The following SNAP25 variants were observed in gnomAD, a reference collection of about 807,000 sequenced individuals.
SNAP25 encodes synaptosomal-associated protein 25.
A neutral mutation model predicts 28.7 loss-of-function variants in SNAP25; 3 were observed. The observed-to-expected ratio is 0.10, with a 90% CI of 0.05 to 0.27. SNAP25 has a LOEUF of 0.27. SNAP25 is among the 10% of genes least tolerant of loss of function. SNAP25 has a pLI of 1.00. For synonymous variants in SNAP25, 61 were observed against 88.1 expected (o/e 0.69, Z 1.72); for missense variants, 117 against 278.7 (o/e 0.42, Z 4.13).
intron 1 of SNAP25, among the ~76,000 whole-genome samples, chr20:10,263,938 A>G (rs1219820404): frequency 6.6e-6 from 1 of 152,170 alleles, no homozygotes; most frequent in African/African-American, 2.4e-5. Flanking sequence ...CTGGTCAGTG[A>G]GGCTGCTGTG....
chr20:10,230,520 A>G (rs2062811110), intron 1 of SNAP25, among the ~76,000 whole-genome samples: 1 of 152,120 alleles, frequency 6.6e-6, no homozygotes, highest in African/African-American at 2.4e-5. Context: ...ATCACCCAGG[A>G]TTTTGTTTGA....
intron 4 of SNAP25, among the ~76,000 whole-genome samples, chr20:10,291,242 T>G (rs900994927): frequency 1.3e-5 from 2 of 152,040 alleles, no homozygotes; most frequent in Non-Finnish European, 2.9e-5. Flanking sequence ...CCCAGAAATT[T>G]TTTTTGTATT....
chr20:10,274,312 A>G (rs1260675443), intron 1 of SNAP25, among the ~76,000 whole-genome samples: 1 of 152,098 alleles, frequency 6.6e-6, no homozygotes, highest in Admixed American at 6.6e-5. Flanking sequence ...CCTTTTGGCA[A>G]CCTCTGATGA....
chr20:10,284,475 C>T (rs1451534527), intron 3 of SNAP25, among the ~76,000 whole-genome samples: 1 of 152,168 alleles, frequency 6.6e-6, no homozygotes, highest in Non-Finnish European at 1.5e-5. Context: ...CCACCCCAGC[C>T]CTACCCCATG....
chr20:10,222,860 C>T (rs2062659758), intron 1 of SNAP25, among the ~76,000 whole-genome samples: 1 of 152,148 alleles, frequency 6.6e-6, no homozygotes, highest in African/African-American at 2.4e-5. Flanking sequence ...TGCAAGTTTC[C>T]ATTTTCCATT....
At chr20:10,256,435 A>C (rs2063319728) in intron 1 of SNAP25, among the ~76,000 whole-genome samples, 1 of 152,226 alleles carries the variant, frequency 6.6e-6, no homozygotes, top group African/African-American at 2.4e-5. Flanking sequence ...TTTTAGCTGG[A>C]TTAAAACGTT....
intron 1 of SNAP25, among the ~76,000 whole-genome samples, chr20:10,270,694 G>A (rs117742563): frequency 0.13 from 19,195 of 150,250 alleles, 1,360 homozygotes; most frequent in Admixed American, 0.19. Context: ...GTGAAACTCT[G>A]TCTCAAAAAA....
chr20:10,298,079 T>C (rs7263487), intron 6 of SNAP25, among the ~76,000 whole-genome samples: 2,959 of 152,174 alleles, frequency 0.019, 80 homozygotes, highest in African/African-American at 0.063. Context: ...TTCTCAAGCC[T>C]GGCTGTACAT....
At chr20:10,299,489 C>T in intron 7 of SNAP25, 77 bp downstream of exon 7, 1 of 1,431,572 alleles carries the variant, frequency 7.0e-7, no homozygotes, top group Admixed American at 2.2e-5. Context: ...AAGGGCATAA[C>T]AAGATCCTCA....
At position 10,245,882 on chromosome 20, in the gene SNAP25, A is replaced by G. The variant is rs557107570; in HGVS notation, c.-64+26905A>G. 5.3e-5 allele frequency among the ~76,000 whole-genome samples: 8 copies of G among 152,330 alleles called. No individual in the cohort carries two copies. The South Asian group carries it at 1.7e-3, about 32-fold the overall frequency. On this transcript the variant is annotated intron_variant, in intron 1 of 7. Transcript: ENST00000254976. ...CTTTCCTTTGTCCCATCTTGTCACC[A>G]TATAAAATTATCTTTCTACCTCCAA...
At chr20:10,254,945 G>T (rs572838633) in intron 1 of SNAP25, among the ~76,000 whole-genome samples, 2 of 152,140 alleles carry the variant, frequency 1.3e-5, no homozygotes, top group South Asian at 2.1e-4. Flanking sequence ...TATAGAAAAG[G>T]GTCTGTGCCT....
chr20:10,255,005 A>G (rs1413995388), intron 1 of SNAP25, among the ~76,000 whole-genome samples: 1 of 151,960 alleles, frequency 6.6e-6, no homozygotes. Context: ...ACACAATGGG[A>G]CTCCTGAGCC....
chr20:10,261,801 A>G (rs375796783), intron 1 of SNAP25, among the ~76,000 whole-genome samples: 37 of 152,346 alleles, frequency 2.4e-4, no homozygotes, highest in African/African-American at 8.4e-4. Flanking sequence ...TGGAAAAACT[A>G]TTCACAAGGA....
chr20:10,245,197 A>G (rs2063105323), intron 1 of SNAP25, among the ~76,000 whole-genome samples: 2 of 152,156 alleles, frequency 1.3e-5, no homozygotes, highest in Non-Finnish European at 2.9e-5. Context: ...AAAGCCAACT[A>G]ATATTAAATT....
intron 3 of SNAP25, among the ~76,000 whole-genome samples, chr20:10,280,589 C>T (rs771311205): frequency 2.0e-5 from 3 of 152,068 alleles, no homozygotes; most frequent in South Asian, 2.1e-4. Flanking sequence ...AAGGTATCCT[C>T]GAGGAGGTAG....
chr20:10,219,388 G>C (rs951497203), intron 1 of SNAP25: 1 of 152,250 alleles, frequency 6.6e-6, no homozygotes, highest in African/African-American at 2.4e-5. Context: ...GAAGAATTAA[G>C]GGGGAGACAG....
intron 3 of SNAP25, among the ~76,000 whole-genome samples, chr20:10,280,257 A>G (rs1370024879): frequency 6.6e-6 from 1 of 152,178 alleles, no homozygotes; most frequent in African/African-American, 2.4e-5. Flanking sequence ...TTGCTTTTTA[A>G]TAGTCATCAT....
intron 1 of SNAP25, among the ~76,000 whole-genome samples, chr20:10,269,727 T>C (rs1050447896): frequency 2.0e-5 from 3 of 152,222 alleles, no homozygotes; most frequent in Non-Finnish European, 4.4e-5. Context: ...GATAAACAAA[T>C]GGATGTGTGT....
intron 1 of SNAP25, among the ~76,000 whole-genome samples, chr20:10,260,611 G>A (rs749074321): frequency 9.9e-5 from 15 of 151,564 alleles, no homozygotes; most frequent in Non-Finnish European, 2.2e-4. Flanking sequence ...CATGAGAATC[G>A]GTCAGGAAAC....
Sources: allele counts gnomAD v4.1 joint callset (sites outside exome capture counted in the v4.1 genomes callset), GRCh38; gene constraint gnomAD v4.1.1; transcripts MANE v1.5; gene names NCBI Gene and HGNC (gene_info 2026-07-23, HGNC 2026-07-21).